The following EZH2 variants were observed in gnomAD, a reference collection of about 807,000 sequenced individuals.
The protein encoded by EZH2 is enhancer of zeste 2 polycomb repressive complex 2 subunit, also known as histone-lysine N-methyltransferase EZH2.
In EZH2, 18 loss-of-function variants were observed where a neutral mutation model predicts 98.4. That is an observed-to-expected ratio of 0.18 (90% confidence interval 0.13 to 0.27). EZH2 has a LOEUF of 0.27. Among genes scored for constraint, EZH2 ranks in the 10% least tolerant of loss-of-function variants. The pLI is 1.00. For synonymous variants in EZH2, 338 were observed against 312.3 expected (o/e 1.08, Z -0.87); for missense variants, 470 against 935.1 (o/e 0.50, Z 6.49).
rs369048435 is a variant in EZH2 at position 148,825,750 on chromosome 7, T to C, written c.907+704A>G. Among the ~76,000 whole-genome samples, 3 of 152,198 alleles carry C rather than the reference T, an allele frequency of 2.0e-5. No homozygotes were observed. In the East Asian group the frequency reaches 5.8e-4, roughly 29 times the overall value. ...TAGACAGACGTACTAAAATACAATA[T>C]AGGAAAAACCAAACTATAATAAGCA... is the stretch of plus-strand genomic sequence containing the variant. On this transcript the variant is annotated intron_variant, in intron 8 of 19. Coordinates refer to ENST00000320356, the MANE Select transcript of EZH2 (RefSeq NM_004456.5).
At chr7:148,878,848 G>C (rs1820533900) in intron 1 of EZH2, among the ~76,000 whole-genome samples, 1 of 151,920 alleles carries the variant, frequency 6.6e-6, no homozygotes, top group South Asian at 2.1e-4. Context: ...GCAGTGAACT[G>C]AGATCACGCA....
chr7:148,834,996 G>A (rs1810496486), intron 3 of EZH2, among the ~76,000 whole-genome samples: 2 of 152,178 alleles, frequency 1.3e-5, no homozygotes, highest in South Asian at 4.1e-4. Flanking sequence ...TACAAAACCA[G>A]GATTAAAACC....
intron 11 of EZH2, 55 bp downstream of exon 11, chr7:148,817,167 A>G: frequency 6.7e-7 from 1 of 1,500,924 alleles, no homozygotes; most frequent in Non-Finnish European, 9.0e-7. Context: ...CAACGAGTAC[A>G]GTTTTATCTC....
intron 1 of EZH2, among the ~76,000 whole-genome samples, chr7:148,851,275 T>C (rs143189215): frequency 6.6e-6 from 1 of 152,264 alleles, no homozygotes; most frequent in Non-Finnish European, 1.5e-5. Flanking sequence ...GTGGTTCAGT[T>C]GTCCCTACTA....
At chr7:148,832,773 G>T in intron 3 of EZH2, 23 bp from the exon 4 acceptor site, 3 of 1,442,740 alleles carry the variant, frequency 2.1e-6, no homozygotes, top group South Asian at 1.2e-5. Context: ...AAATAAAATT[G>T]ACTCTTAAGA....
chr7:148,872,423 G>C (rs929741883), intron 1 of EZH2, among the ~76,000 whole-genome samples: 6 of 152,158 alleles, frequency 3.9e-5, no homozygotes, highest in African/African-American at 1.4e-4. Flanking sequence ...GCAACAATGT[G>C]AATGTATTTA....
chr7:148,827,341 TTA>T (rs1352996862), intron 6 of EZH2, 75 bp from the exon 7 acceptor site: 2 of 1,092,692 alleles, frequency 1.8e-6, no homozygotes, highest in East Asian at 2.4e-5. Flanking sequence ...CTCTACCCAA[TTA>T]TGTCTCTATA....
chr7:148,813,925 A>G (rs1803866589), intron 15 of EZH2, 34 bp downstream of exon 15: 2 of 1,594,246 alleles, frequency 1.3e-6, no homozygotes, highest in South Asian at 2.3e-5. Context: ...ATAGCTAACT[A>G]CAAACAATCT....
At position 148,825,972 on chromosome 7, in the gene EZH2, C is replaced by T. The variant is rs60135367; in HGVS notation, c.907+482G>A. ...TTACATTTTCACTAAGAACATTTTA[C>T]GTTTTACTTGTATTCAAATGCAGGT... On this transcript the variant is annotated intron_variant, in intron 8 of 19. Transcript: ENST00000320356. Among the ~76,000 whole-genome samples the T allele has an allele frequency of 2.9e-3, 435 of 152,116 alleles. 6 individuals are homozygous for T. In the South Asian group the frequency reaches 0.035, roughly 12 times the overall value.
At position 148,827,179 on chromosome 7, in the gene EZH2, T is replaced by A; in HGVS notation, c.713A>T (p.Glu238Val). 1 of 1,612,016 alleles carries A rather than the reference T, an allele frequency of 6.2e-7. No homozygotes were observed. Among genetic ancestry groups the A allele is most frequent in the Non-Finnish European group, 8.5e-7 (1 of 1,179,284 alleles). The change falls in exon 7 of 20, where the codon GAA becomes GTA. Residue 238 changes from glutamate (E) to valine (V), a missense_variant. Transcript: ENST00000320356. ...AAATTCTTACTTTTCCTTTAGTTCT[T>A]CTGCTGTGCCCTTATCTGGAAACAT... ...SSMFPDKGTA[E>V]ELKEKYKELT...
chr7:148,820,222 C>G (rs1357095415), intron 8 of EZH2, among the ~76,000 whole-genome samples: 1 of 152,152 alleles, frequency 6.6e-6, no homozygotes, highest in African/African-American at 2.4e-5. Context: ...CTTATAGTGT[C>G]TTGCCACAGA....
chr7:148,881,947 C>A (rs1038601667), intron 1 of EZH2, among the ~76,000 whole-genome samples: 1 of 115,302 alleles, frequency 8.7e-6, no homozygotes, highest in East Asian at 2.4e-4. Flanking sequence ...AAAAAAAAAA[C>A]ATATACACAC....
intron 1 of EZH2, among the ~76,000 whole-genome samples, chr7:148,850,659 C>T (rs73158271): frequency 0.025 from 3,861 of 152,218 alleles, 89 homozygotes; most frequent in Non-Finnish European, 0.034. Context: ...ACTGTAAGTG[C>T]TTCAACAGCA....
At chr7:148,882,068 G>C (rs1357094606) in intron 1 of EZH2, among the ~76,000 whole-genome samples, 1 of 151,470 alleles carries the variant, frequency 6.6e-6, no homozygotes, top group Non-Finnish European at 1.5e-5. Flanking sequence ...TAATGGACAA[G>C]ATTATTAATA....
chr7:148,838,882 G>A (rs1811598472), intron 3 of EZH2, among the ~76,000 whole-genome samples: 1 of 152,058 alleles, frequency 6.6e-6, no homozygotes, highest in African/African-American at 2.4e-5. Flanking sequence ...GTGAAACCCT[G>A]TCTTTACTAA....
chr7:148,872,346 G>A (rs1465116186), intron 1 of EZH2, among the ~76,000 whole-genome samples: 2 of 152,104 alleles, frequency 1.3e-5, no homozygotes, highest in African/African-American at 2.4e-5. Context: ...GGGGGAAGTG[G>A]GAATTAGTGC....
At chr7:148,875,024 T>G (rs1819988109) in intron 1 of EZH2, among the ~76,000 whole-genome samples, 1 of 152,140 alleles carries the variant, frequency 6.6e-6, no homozygotes, top group Non-Finnish European at 1.5e-5. Flanking sequence ...ATTTATCCTT[T>G]GAAGAAAAAA....
chr7:148,851,974 T>C (rs1018348721), intron 1 of EZH2, among the ~76,000 whole-genome samples: 1 of 152,200 alleles, frequency 6.6e-6, no homozygotes, highest in Non-Finnish European at 1.5e-5. Context: ...ATACATATGG[T>C]TTTTAAATTT....
intron 1 of EZH2, among the ~76,000 whole-genome samples, chr7:148,878,528 C>T (rs906623031): frequency 2.0e-5 from 3 of 152,154 alleles, no homozygotes; most frequent in Middle Eastern, 6.3e-3. Flanking sequence ...TATTTCACTC[C>T]TTTTATGTTT....
Sources: allele counts gnomAD v4.1 joint callset (sites outside exome capture counted in the v4.1 genomes callset), GRCh38; gene constraint gnomAD v4.1.1; transcripts MANE v1.5; gene names NCBI Gene and HGNC (gene_info 2026-07-23, HGNC 2026-07-21).